Variants in PARD3B observed in about 807,000 individuals in gnomAD.
PARD3B encodes the protein par-3 family cell polarity regulator beta.
PARD3B carries 103 observed loss-of-function variants against 130.2 expected under a neutral mutation model. The observed-to-expected ratio is 0.79, with a 90% CI of 0.67 to 0.93. The LOEUF is 0.93. Ranked by LOEUF, PARD3B falls within the 40% of genes least tolerant of loss-of-function variation. PARD3B has a pLI of 0.00. For synonymous variants in PARD3B, 583 were observed against 553.2 expected (o/e 1.05, Z -0.76); for missense variants, 1,609 against 1,499.2 (o/e 1.07, Z -1.21).
intron 18 of PARD3B, among the ~76,000 whole-genome samples, chr2:205,317,946 G>A (rs1289323693): frequency 6.6e-6 from 1 of 152,068 alleles, no homozygotes; most frequent in Admixed American, 6.6e-5. Flanking sequence ...TGTCTCAGCA[G>A]AGAATAACTA....
At chr2:204,725,406 G>A (rs1342238736) in intron 2 of PARD3B, among the ~76,000 whole-genome samples, 4 of 152,000 alleles carry the variant, frequency 2.6e-5, no homozygotes, top group Non-Finnish European at 4.4e-5. Flanking sequence ...AAAAACTATA[G>A]CAAACACAGT....
At chr2:205,001,324 A>G (rs1168749593) in intron 3 of PARD3B, among the ~76,000 whole-genome samples, 2 of 152,160 alleles carry the variant, frequency 1.3e-5, no homozygotes, top group African/African-American at 4.8e-5. Context: ...AATACTTTCA[A>G]TTGCTAGAAC....
At chr2:204,945,729 A>G (rs1377064328) in intron 2 of PARD3B, among the ~76,000 whole-genome samples, 1 of 152,218 alleles carries the variant, frequency 6.6e-6, no homozygotes, top group Non-Finnish European at 1.5e-5. Flanking sequence ...CACAAATTAT[A>G]GGTCATAAAA....
intron 2 of PARD3B, among the ~76,000 whole-genome samples, chr2:204,964,099 A>G (rs1690993872): frequency 6.6e-6 from 1 of 152,256 alleles, no homozygotes; most frequent in Non-Finnish European, 1.5e-5. Context: ...TGCTTGAATC[A>G]TAAGTAGGTT....
intron 2 of PARD3B, among the ~76,000 whole-genome samples, chr2:204,771,445 G>GC (rs2041376025): frequency 6.6e-6 from 1 of 152,062 alleles, no homozygotes. Flanking sequence ...GTTAGTTATA[G>GC]TTTGTCATAG....
chr2:205,425,898 C>G (rs2106110394), intron 19 of PARD3B, among the ~76,000 whole-genome samples: 1 of 152,202 alleles, frequency 6.6e-6, no homozygotes, highest in African/African-American at 2.4e-5. Context: ...TGTGTGTGCA[C>G]AGAGGAAAAC....
rs376009246 is a variant in PARD3B at position 204,646,909 on chromosome 2, T to TA, written c.121-39271dup. ...CTACCTTAAACACTCTATGAACACT[T>TA]ACATTATCCTACAGTTGGACGAAAT... On this transcript the variant is annotated intron_variant, in intron 1 of 22. Transcript: ENST00000406610. Among the ~76,000 whole-genome samples, 523 of 152,144 alleles carry TA rather than the reference T, an allele frequency of 3.4e-3. 3 individuals are homozygous for TA. Among genetic ancestry groups the TA allele is most frequent in the African/African-American group, 0.012 (493 of 41,556 alleles).
chr2:205,459,159 A>G (rs1236375042), intron 20 of PARD3B, among the ~76,000 whole-genome samples: 2 of 152,190 alleles, frequency 1.3e-5, no homozygotes, highest in Non-Finnish European at 2.9e-5. Flanking sequence ...GTGAATTAGC[A>G]AATGACTTGG....
chr2:205,559,485 A>C (rs1237254127), intron 22 of PARD3B, among the ~76,000 whole-genome samples: 1 of 152,140 alleles, frequency 6.6e-6, no homozygotes, highest in Non-Finnish European at 1.5e-5. Context: ...GTTATGGGAA[A>C]GAAATCCCCC....
At chr2:204,741,189 G>A (rs902116834) in intron 2 of PARD3B, among the ~76,000 whole-genome samples, 14 of 152,042 alleles carry the variant, frequency 9.2e-5, no homozygotes, top group Non-Finnish European at 1.5e-5. Context: ...TTTGGAAATA[G>A]GAAGGCAGAA....
intron 18 of PARD3B, among the ~76,000 whole-genome samples, chr2:205,355,973 C>A (rs2044177504): frequency 6.6e-6 from 1 of 152,188 alleles, no homozygotes; most frequent in African/African-American, 2.4e-5. Flanking sequence ...CACCTGGTCT[C>A]TCCCTTGATT....
At chr2:205,444,903 G>A (rs2047853454) in intron 20 of PARD3B, among the ~76,000 whole-genome samples, 1 of 152,174 alleles carries the variant, frequency 6.6e-6, no homozygotes, top group Non-Finnish European at 1.5e-5. Context: ...GCCACTAAAA[G>A]GTCATCAGTT....
chr2:204,789,337 C>T (rs1477658014), intron 2 of PARD3B, among the ~76,000 whole-genome samples: 4 of 152,156 alleles, frequency 2.6e-5, no homozygotes, highest in African/African-American at 9.7e-5. Flanking sequence ...AGGCATGAGC[C>T]ACCACACCGA....
At chr2:204,912,013 A>G (rs1270250581) in intron 2 of PARD3B, among the ~76,000 whole-genome samples, 1 of 151,446 alleles carries the variant, frequency 6.6e-6, no homozygotes, top group Non-Finnish European at 1.5e-5. Context: ...ACATGTTATT[A>G]GCTGTAATGG....
At chr2:205,170,791 T>C (rs374604518) in intron 11 of PARD3B, among the ~76,000 whole-genome samples, 2 of 150,844 alleles carry the variant, frequency 1.3e-5, no homozygotes, top group Non-Finnish European at 3.0e-5. Flanking sequence ...CTTTTTTTTT[T>C]CTTTTACTTT....
At chr2:204,642,488 A>C (rs185170983) in intron 1 of PARD3B, among the ~76,000 whole-genome samples, 83 of 152,312 alleles carry the variant, frequency 5.4e-4, no homozygotes, top group African/African-American at 1.9e-3. Flanking sequence ...GATTACTTAG[A>C]AAACTTTTAG....
chr2:204,733,934 A>T (rs1385100342), intron 2 of PARD3B, among the ~76,000 whole-genome samples: 4 of 152,160 alleles, frequency 2.6e-5, no homozygotes, highest in African/African-American at 9.6e-5. Context: ...TAGCTTAGGC[A>T]AATACTTCTT....
chr2:205,159,592 G>A (rs567326595), intron 11 of PARD3B, among the ~76,000 whole-genome samples: 8 of 152,330 alleles, frequency 5.3e-5, no homozygotes, highest in Admixed American at 2.6e-4. Context: ...TTCCTCACCG[G>A]TAGAATGGTG....
intron 1 of PARD3B, among the ~76,000 whole-genome samples, chr2:204,576,539 A>G (rs1233117935): frequency 3.3e-5 from 5 of 152,104 alleles, no homozygotes; most frequent in Admixed American, 1.3e-4. Context: ...CTTTTTTTCA[A>G]TTAACAATAA....
Sources: gnomAD v4.1 joint callset for allele counts (sites outside exome capture counted in the v4.1 genomes callset) on GRCh38, gnomAD v4.1.1 for gene constraint, MANE v1.5 for transcripts, NCBI Gene and HGNC (gene_info 2026-07-23, HGNC 2026-07-21) for gene names.